The following CUX1 variants were observed in gnomAD, a reference collection of about 807,000 sequenced individuals.
CUX1 encodes the protein cut like homeobox 1.
Under a neutral mutation model 158.8 loss-of-function variants are expected in CUX1, and 31 were observed. The ratio of observed to expected loss-of-function variants is 0.20; its 90% CI spans 0.15 to 0.26. CUX1 has a LOEUF of 0.26. CUX1 is among the 10% of genes least tolerant of loss of function. The pLI is 1.00. For synonymous variants in CUX1, 879 were observed against 862.1 expected, an observed-to-expected ratio of 1.02 and a Z score of -0.34; for missense variants, 1,589 against 2,014.6, an observed-to-expected ratio of 0.79 and a Z score of 4.04.
chr7:101,967,444 A>G (rs1377100959), intron 2 of CUX1, among the ~76,000 whole-genome samples: 2 of 152,236 alleles, frequency 1.3e-5, no homozygotes, highest in Admixed American at 1.3e-4. Flanking sequence ...TTCCTTCTCC[A>G]GTGGGAAAGA....
chr7:101,994,047 G>C (rs188543113), intron 2 of CUX1, among the ~76,000 whole-genome samples: 1 of 152,094 alleles, frequency 6.6e-6, no homozygotes, highest in Non-Finnish European at 1.5e-5. Flanking sequence ...CCCTAACCCC[G>C]GTAGTGGCCA....
Position 102,196,774 on chromosome 7 carries a change from G to A in CUX1, c.1363G>A (p.Gly455Arg). Residue 455 changes from glycine to arginine, a missense_variant, in exon 15 of 24, where the codon GGG (glycine) becomes AGG (arginine). Coordinates refer to ENST00000292535, the MANE Select transcript of CUX1 (RefSeq NM_181552.4). ...TGGTACACACCAGTTCTCACCAGCG[G>A]GGTTAAGTCAAGACTTTTTCAGCTC... ...TNGTHQFSPA[G>R]LSQDFFSSSL... 6.2e-7 allele frequency: 1 copy of A among 1,614,098 alleles called. No homozygotes were observed. The highest frequency in any genetic ancestry group is 8.5e-7 in the Non-Finnish European group (1 of 1,180,036).
At position 102,201,239 on chromosome 7, in the gene CUX1, A is replaced by AT. The variant is rs1795400054; in HGVS notation, c.2063-120dup. 6.2e-5 allele frequency: 87 copies of AT among 1,412,836 alleles called. No individual in the cohort carries two copies. The South Asian group carries it at 1.1e-3, about 18-fold the overall frequency. 87.5% of individuals were successfully genotyped at this position (1,412,836 alleles called of 1,614,324 possible). A position where few individuals can be genotyped will look rare whatever the true frequency, so the allele number is the denominator to read the frequency against. ...CACTGACAGGGGCCATGCTGGGGAA[A>AT]TACACAGTGTGGTTCTCCCAAATAA... On this transcript the variant is annotated intron_variant, in intron 17 of 23. Transcript: ENST00000292535. The surrounding 1 kb of genome is among the most constrained non-coding windows in gnomAD (Gnocchi z 5.0).
In CUX1 at chr7:102,251,053, G is replaced by A; in HGVS notation, c.*2011G>A. 1.0e-6 allele frequency: 1 copy of A among 985,038 alleles called. No individual in the cohort carries two copies. Among genetic ancestry groups the A allele is most frequent in the Non-Finnish European group, 1.2e-6 (1 of 829,688 alleles). The allele number at this position is 985,038 out of a possible 1,614,324, so 61.0% of individuals were successfully genotyped here. A position where few individuals can be genotyped will look rare whatever the true frequency, so the allele number is the denominator to read the frequency against. Reference sequence around the variant, plus strand: ...GGATGAAAGGGGCAAATATTCTTTAGAGGGATAGACTGCCGGCAGTATTGG... The same window carrying A: ...GGATGAAAGGGGCAAATATTCTTTAAAGGGATAGACTGCCGGCAGTATTGG... On this transcript the variant is annotated 3_prime_UTR_variant, in exon 24 of 24. Transcript: ENST00000292535.
Position 102,255,997 on chromosome 7 carries a change from A to C in CUX1, c.*6955A>C, listed in dbSNP as rs188847440. ...GCTTTAGACCAGGACGATTCAGGTT[A>C]TGAATGAGTTTGTTCACTGTAGTTC... On this transcript the variant is annotated 3_prime_UTR_variant, in exon 24 of 24. Transcript: ENST00000292535. 1 of 985,504 alleles carries C rather than the reference A, an allele frequency of 1.0e-6. No individual in the cohort carries two copies. Among genetic ancestry groups the C allele is most frequent in the East Asian group, 1.1e-4 (1 of 8,822 alleles). 61.0% of individuals were successfully genotyped at this position (985,504 alleles called of 1,614,324 possible).
At chr7:102,032,360 G>A (rs1385917056) in intron 3 of CUX1, among the ~76,000 whole-genome samples, 1 of 151,844 alleles carries the variant, frequency 6.6e-6, no homozygotes, top group African/African-American at 2.4e-5. Context: ...CCAGGAGATC[G>A]AGACCAGCCT....
intron 18 of CUX1, chr7:102,279,898 C>A (rs1791925390): frequency 1.6e-6 from 1 of 643,972 alleles, no homozygotes; most frequent in Non-Finnish European, 2.8e-6. Flanking sequence ...GCACCCTCTC[C>A]TCCCGCCTCT....
chr7:101,933,122 A>G (rs1434466824), intron 2 of CUX1, among the ~76,000 whole-genome samples: 1 of 152,212 alleles, frequency 6.6e-6, no homozygotes, highest in Non-Finnish European at 1.5e-5. Context: ...TTTTGCATGA[A>G]CACATGTAGT....
At chr7:102,113,145 T>C (rs1419278573) in intron 7 of CUX1, among the ~76,000 whole-genome samples, 1 of 152,200 alleles carries the variant, frequency 6.6e-6, no homozygotes, top group African/African-American at 2.4e-5. Flanking sequence ...ACTACACATA[T>C]GAAAAAATGC....
At chr7:102,025,986 G>C (rs895924851) in intron 2 of CUX1, among the ~76,000 whole-genome samples, 4 of 152,090 alleles carry the variant, frequency 2.6e-5, no homozygotes, top group African/African-American at 9.7e-5. Context: ...AGACCAGCCT[G>C]GGCAACATAG....
chr7:102,171,921 G>C (rs562874938), intron 10 of CUX1, among the ~76,000 whole-genome samples: 4 of 152,168 alleles, frequency 2.6e-5, no homozygotes, highest in African/African-American at 9.6e-5. Flanking sequence ...CAGTGACTCC[G>C]TCAAGCCCTT....
rs187597069 is a variant in CUX1 at position 102,029,584 on chromosome 7, G to A, written c.189+1439G>A. On this transcript the variant is annotated intron_variant, in intron 3 of 23. Transcript: ENST00000292535. ...GCCAAAGACAGAGAGGCGATTTCAG[G>A]ACATCAAAAGGGACCAGCGTAGAAA... 3.0e-3 allele frequency among the ~76,000 whole-genome samples: 461 copies of A among 152,274 alleles called. 3 individuals carry two copies. The highest frequency in any genetic ancestry group is 0.011 in the African/African-American group (447 of 41,554).
intron 4 of CUX1, 28 bp from the exon 5 acceptor site, chr7:102,097,336 G>T (rs1829303008): frequency 2.5e-6 from 4 of 1,593,892 alleles, no homozygotes; most frequent in Non-Finnish European, 3.4e-6. Context: ...TGGCCGAGTG[G>T]GGTGATGGCT....
chr7:102,007,470 G>A (rs1032575204), intron 2 of CUX1, among the ~76,000 whole-genome samples: 1 of 151,648 alleles, frequency 6.6e-6, no homozygotes, highest in African/African-American at 2.4e-5. Flanking sequence ...CCAGGGCCTG[G>A]GTTCTCTGTG....
intron 2 of CUX1, among the ~76,000 whole-genome samples, chr7:102,017,711 G>A (rs1818810101): frequency 6.6e-6 from 1 of 152,000 alleles, no homozygotes; most frequent in Admixed American, 6.6e-5. Context: ...GCCAGGTATG[G>A]TGACACACAC....
At chr7:102,075,408 C>T (rs1465021380) in intron 4 of CUX1, among the ~76,000 whole-genome samples, 1 of 152,216 alleles carries the variant, frequency 6.6e-6, no homozygotes, top group East Asian at 1.9e-4. Flanking sequence ...GGACCCTTCC[C>T]ATGCACACAC....
At position 102,201,737 on chromosome 7, in the gene CUX1, G is replaced by T; in HGVS notation, c.2440G>T (p.Val814Leu). 6.2e-7 allele frequency: 1 copy of T among 1,612,638 alleles called. No homozygotes were observed. The highest frequency in any genetic ancestry group is 8.5e-7 in the Non-Finnish European group (1 of 1,179,936). The change falls in exon 18 of 24, where the codon GTG becomes TTG. Residue 814 changes from valine (V) to leucine (L), a missense_variant. Val to Leu is a conservative substitution (Grantham distance 32, BLOSUM62 1). This residue lies in a region of CUX1 where 337 missense variants were observed against 409.3 expected (regional missense o/e 0.82). Transcript: ENST00000292535. This position sits in a 1 kb window ranked among gnomAD's most constrained non-coding sequence, Gnocchi z 5.0. ...GGTCCTGAGACAGGTGAAAAATGAG[G>T]TGGGCCGCAGCGGTGCCTGGAAGGA... Reference protein sequence around the residue: ...QGVLRQVKNEVGRSGAWKDHW... With the variant: ...QGVLRQVKNELGRSGAWKDHW...
At chr7:101,823,032 G>A (rs1792848288) in intron 1 of CUX1, among the ~76,000 whole-genome samples, 1 of 152,094 alleles carries the variant, frequency 6.6e-6, no homozygotes. Context: ...AGAGGATGAT[G>A]TTAGTGCACA....
chr7:102,243,679 A>ATAATAATAATAAT (rs1554535722), intron 23 of CUX1, among the ~76,000 whole-genome samples: 1 of 144,144 alleles, frequency 6.9e-6, no homozygotes, highest in Non-Finnish European at 1.5e-5. Context: ...AATAATAATA[A>ATAATAATAATAAT]AATAAATGAA....
Sources: allele counts gnomAD v4.1 joint callset (sites outside exome capture counted in the v4.1 genomes callset), GRCh38; gene constraint gnomAD v4.1.1; regional missense constraint gnomAD v4.1.1; non-coding constraint Gnocchi (gnomAD v3.1); transcripts MANE v1.5; gene names NCBI Gene and HGNC (gene_info 2026-07-23, HGNC 2026-07-21).